GFRA1: variants seen among roughly 807,000 people sequenced by gnomAD.
GFRA1 encodes the protein GDNF family receptor alpha 1.
A neutral mutation model predicts 51.6 loss-of-function variants in GFRA1; 16 were observed. That is an observed-to-expected ratio of 0.31 (90% CI 0.21 to 0.47). The LOEUF (loss-of-function observed/expected upper bound fraction) is 0.47, where lower values mean the gene tolerates loss of function less well. Ranked by LOEUF, GFRA1 falls within the 20% of genes least tolerant of loss-of-function variation. The probability of loss-of-function intolerance (pLI) is 1.00; values close to 1 mark genes in which losing one functional copy is unlikely to be tolerated. For missense variants in GFRA1, 530 were observed against 594.3 expected, an observed-to-expected ratio of 0.89 and a Z score of 1.13; for synonymous variants, 270 against 241.3, an observed-to-expected ratio of 1.12 and a Z score of -1.10.
intron 5 of GFRA1, among the ~76,000 whole-genome samples, chr10:116,161,264 C>G (rs1242159868): frequency 1.3e-5 from 2 of 152,202 alleles, no homozygotes; most frequent in Non-Finnish European, 2.9e-5. Flanking sequence ...AAGGTCAGTT[C>G]TCCAGCCCAG....
In GFRA1 at chr10:116,092,102, C is replaced by T. The variant is rs1009707150; in HGVS notation, c.1015+1600G>A. Among the ~76,000 whole-genome samples, 80 of 100,842 alleles carry T rather than the reference C, an allele frequency of 7.9e-4. 2 individuals carry two copies. The highest frequency in any genetic ancestry group is 2.7e-3 in the African/African-American group (66 of 24,122). 66.2% of individuals were successfully genotyped at this position (100,842 alleles called of 152,430 possible). On this transcript the variant is annotated intron_variant, in intron 8 of 10. Transcript: ENST00000355422. ...GGAAATATACATACATACGTACACACACACACACACACACACACACACACA... is the reference window on the plus strand; with the variant it reads ...GGAAATATACATACATACGTACACATACACACACACACACACACACACACA...
At chr10:116,178,443 C>T (rs571926277) in intron 5 of GFRA1, among the ~76,000 whole-genome samples, 22 of 152,336 alleles carry the variant, frequency 1.4e-4, no homozygotes, top group Middle Eastern at 6.8e-3. Flanking sequence ...GGCTGAGTTA[C>T]ACTTTTCTGT....
At chr10:116,069,563 G>A (rs111683186) in intron 9 of GFRA1, among the ~76,000 whole-genome samples, 176 of 152,286 alleles carry the variant, frequency 1.2e-3, no homozygotes, top group African/African-American at 4.1e-3. Flanking sequence ...TAATCCCCAA[G>A]TCCAGGCACG....
At chr10:116,207,702 C>A (rs965177818) in intron 5 of GFRA1, among the ~76,000 whole-genome samples, 2 of 152,052 alleles carry the variant, frequency 1.3e-5, no homozygotes, top group African/African-American at 2.4e-5. Context: ...AATCTGAAGA[C>A]ACATATAGGA....
chr10:116,238,021 A>G (rs1156786199), intron 4 of GFRA1, among the ~76,000 whole-genome samples: 1 of 152,084 alleles, frequency 6.6e-6, no homozygotes, highest in Non-Finnish European at 1.5e-5. Context: ...GACCAAGCAG[A>G]CTCTGAAAAC....
rs527419060 is a variant in GFRA1 at position 116,059,137 on chromosome 10, G to T, written c.*5261C>A. The T allele has an allele frequency of 6.6e-6, 1 of 152,184 alleles. No homozygotes were observed. Among genetic ancestry groups the T allele is most frequent in the African/African-American group, 2.4e-5 (1 of 41,424 alleles). The allele number at this position is 152,184 out of a possible 1,614,324, so 9.4% of individuals were successfully genotyped here. On this transcript the variant is annotated 3_prime_UTR_variant, in exon 11 of 11. Coordinates refer to ENST00000355422, the MANE Select transcript of GFRA1 (RefSeq NM_005264.8). ...CAATACAGCTCAATGCCAGGAATAC[G>T]ATGCCAATAGGCCAGTTCTTGCTAC...
chr10:116,220,078 T>C (rs1028043025), intron 4 of GFRA1, among the ~76,000 whole-genome samples: 1 of 152,228 alleles, frequency 6.6e-6, no homozygotes, highest in Non-Finnish European at 1.5e-5. Context: ...TTATTTGTAA[T>C]CTTATGCATG....
intron 7 of GFRA1, among the ~76,000 whole-genome samples, chr10:116,095,975 C>A (rs1014143801): frequency 6.6e-6 from 1 of 152,120 alleles, no homozygotes; most frequent in South Asian, 2.1e-4. Flanking sequence ...CCCCTGGTAT[C>A]CAGGGGTCCA....
At chr10:116,168,009 G>C (rs556739587) in intron 5 of GFRA1, among the ~76,000 whole-genome samples, 4 of 152,104 alleles carry the variant, frequency 2.6e-5, no homozygotes, top group Admixed American at 6.5e-5. Flanking sequence ...CACTGCTTCC[G>C]TGATGACTGC....
At chr10:116,077,515 C>T (rs906951741) in intron 9 of GFRA1, among the ~76,000 whole-genome samples, 22 of 152,034 alleles carry the variant, frequency 1.4e-4, no homozygotes, top group African/African-American at 4.8e-4. Flanking sequence ...TTGCTAAAAC[C>T]GTAATCTGAA....
chr10:116,085,144 A>G (rs1956039123), intron 9 of GFRA1, among the ~76,000 whole-genome samples: 1 of 152,308 alleles, frequency 6.6e-6, no homozygotes, highest in East Asian at 1.9e-4. Flanking sequence ...CATAGGAACC[A>G]TGGATGCGTC....
chr10:116,142,052 A>C (rs1055091708), intron 5 of GFRA1, among the ~76,000 whole-genome samples: 1 of 152,200 alleles, frequency 6.6e-6, no homozygotes, highest in African/African-American at 2.4e-5. Context: ...CAAACAAAAG[A>C]TTACTTACCT....
intron 5 of GFRA1, among the ~76,000 whole-genome samples, chr10:116,148,348 T>C (rs986061307): frequency 6.6e-6 from 1 of 152,076 alleles, no homozygotes; most frequent in African/African-American, 2.4e-5. Flanking sequence ...GCTGGAAGCA[T>C]GTGTGGTGTG....
chr10:116,251,903 G>T (rs1476866416), intron 4 of GFRA1, among the ~76,000 whole-genome samples: 1 of 150,230 alleles, frequency 6.7e-6, no homozygotes, highest in African/African-American at 2.4e-5. Flanking sequence ...GGCAAAAGAG[G>T]CTTTGTCGTC....
intron 4 of GFRA1, among the ~76,000 whole-genome samples, chr10:116,224,136 G>T (rs1454602078): frequency 1.3e-5 from 2 of 152,164 alleles, no homozygotes; most frequent in Non-Finnish European, 2.9e-5. Flanking sequence ...CCAGCCTTGG[G>T]TATTTTGTTA....
chr10:116,076,860 A>C (rs1486265252), intron 9 of GFRA1, among the ~76,000 whole-genome samples: 1 of 152,164 alleles, frequency 6.6e-6, no homozygotes, highest in Non-Finnish European at 1.5e-5. Context: ...TACCCATGGC[A>C]AATTCCAGAA....
intron 5 of GFRA1, among the ~76,000 whole-genome samples, chr10:116,145,740 G>A (rs1379433072): frequency 1.3e-5 from 2 of 152,150 alleles, no homozygotes; most frequent in Non-Finnish European, 2.9e-5. Flanking sequence ...ACACATATTA[G>A]TATGTACAAG....
intron 5 of GFRA1, among the ~76,000 whole-genome samples, chr10:116,180,048 T>C (rs1004428349): frequency 1.3e-5 from 2 of 152,230 alleles, no homozygotes; most frequent in African/African-American, 2.4e-5. Context: ...ATTTGTCAAA[T>C]GAATTAGATT....
At chr10:116,242,221 C>T (rs1403462479) in intron 4 of GFRA1, among the ~76,000 whole-genome samples, 8 of 152,136 alleles carry the variant, frequency 5.3e-5, no homozygotes, top group East Asian at 1.9e-4. Context: ...TTTGCAGATG[C>T]GCATATTTAG....
Sources: allele counts gnomAD v4.1 joint callset (sites outside exome capture counted in the v4.1 genomes callset), GRCh38; gene constraint gnomAD v4.1.1; transcripts MANE v1.5; gene names NCBI Gene and HGNC (gene_info 2026-07-23, HGNC 2026-07-21).